STAU1: variants seen among roughly 807,000 people sequenced by gnomAD.
STAU1 encodes staufen double-stranded RNA binding protein 1.
STAU1 carries 13 observed loss-of-function variants against 62.9 expected under a neutral mutation model. The ratio of observed to expected loss-of-function variants is 0.21; its 90% CI spans 0.13 to 0.33. STAU1 has a LOEUF of 0.33. Ranked by LOEUF, STAU1 falls within the 10% of genes least tolerant of loss-of-function variation. The probability of loss-of-function intolerance (pLI) is 1.00; values close to 1 mark genes in which losing one functional copy is unlikely to be tolerated. For synonymous variants in STAU1, 269 were observed against 265.1 expected (o/e 1.01, Z -0.14); for missense variants, 571 against 712.1 (o/e 0.80, Z 2.25).
At chr20:49,196,461 G>A in the STAU1 span, among the ~76,000 whole-genome samples, 3 of 115,846 alleles carry the variant, frequency 2.6e-5, no homozygotes, top group South Asian at 2.7e-4. Flanking sequence ...AAAAAAAAAA[G>A]AAGAAGAAGA....
At chr20:49,189,201 C>CAAAAAAA (rs545643816), upstream of STAU1, among the ~76,000 whole-genome samples, 19 of 33,622 alleles carry the variant, frequency 5.7e-4, 3 homozygotes, top group Non-Finnish European at 9.3e-4. Flanking sequence ...ACACTGGTCT[C>CAAAAAAA]AAAAAAAAAA....
chr20:49,122,523 T>A lies in STAU1; in HGVS notation c.966+569A>T, dbSNP rs531138084. On this transcript the variant is annotated intron_variant, in intron 8 of 13. Transcript: ENST00000371856. ...TGTGCAGACATTACATTCATTTTTT[T>A]AAGCATTAAGATAAACAACTTAATC... Among the ~76,000 whole-genome samples the A allele has an allele frequency of 8.7e-4, 132 of 152,358 alleles. 1 individual carries two copies. The highest frequency in any genetic ancestry group is 7.3e-3 in the Admixed American group (111 of 15,304).
chr20:49,144,875 G>A (rs1392429272), intron 5 of STAU1, among the ~76,000 whole-genome samples: 1 of 152,122 alleles, frequency 6.6e-6, no homozygotes, highest in Non-Finnish European at 1.5e-5. Flanking sequence ...AGTAGATGAT[G>A]AATAGTATTG....
chr20:49,115,462 G>A (rs1030465965), intron 13 of STAU1, among the ~76,000 whole-genome samples: 1 of 151,988 alleles, frequency 6.6e-6, no homozygotes, highest in Non-Finnish European at 1.5e-5. Flanking sequence ...CACCACACCT[G>A]GCTAATTTTT....
At chr20:49,154,198 G>A in intron 3 of STAU1, 127 bp from the exon 4 acceptor site, 1 of 950,034 alleles carries the variant, frequency 1.1e-6, no homozygotes, top group Non-Finnish European at 1.5e-6. Context: ...GACCTGGGTG[G>A]CTCACTGCTA....
chr20:49,206,618 G>A, the STAU1 span, among the ~76,000 whole-genome samples: 435 of 142,276 alleles, frequency 3.1e-3, 1 homozygote, highest in African/African-American at 7.4e-3. Context: ...CGAGTGAACC[G>A]CCCAAAGTAC....
intron 3 of STAU1, chr20:49,159,147 C>CCA: frequency 1.9e-6 from 2 of 1,055,778 alleles, no homozygotes; most frequent in Non-Finnish European, 2.3e-6. Flanking sequence ...GGGGAAAAAG[C>CCA]TAAAAAAAAA....
rs144912266 is a variant in STAU1, at chr20:49,172,104, G to A, written c.-85+2091C>T. On this transcript the variant is annotated intron_variant, in intron 2 of 13. Transcript: ENST00000371856. ...ACAAGTGAGACTGAATGTGGTCCCT[G>A]TCTCACACTTGGCCCAATGCCATGG... Among the ~76,000 whole-genome samples, 969 of 152,296 alleles carry A rather than the reference G, an allele frequency of 6.4e-3. 3 individuals are homozygous for A. Among genetic ancestry groups the A allele is most frequent in the Admixed American group, 0.011 (175 of 15,294 alleles).
the STAU1 span, among the ~76,000 whole-genome samples, chr20:49,196,552 C>G: frequency 6.6e-6 from 1 of 151,774 alleles, no homozygotes; most frequent in Non-Finnish European, 1.5e-5. Flanking sequence ...TTTGGGAGGC[C>G]GAGGCCGGCA....
At chr20:49,142,931 T>A (rs889475850) in intron 5 of STAU1, among the ~76,000 whole-genome samples, 1 of 152,058 alleles carries the variant, frequency 6.6e-6, no homozygotes, top group Non-Finnish European at 1.5e-5. Context: ...GCCTCCTCAT[T>A]AGCTGAGACT....
the STAU1 span, among the ~76,000 whole-genome samples, chr20:49,201,518 G>A: frequency 6.6e-6 from 1 of 152,006 alleles, no homozygotes; most frequent in Non-Finnish European, 1.5e-5. Context: ...GAGGCGGGAG[G>A]ATCACCTGAG....
chr20:49,169,670 C>G (rs564864256), intron 2 of STAU1, among the ~76,000 whole-genome samples: 3 of 152,276 alleles, frequency 2.0e-5, no homozygotes, highest in East Asian at 3.9e-4. Flanking sequence ...TTCTTCAGAT[C>G]TCGCTGGTGC....
the STAU1 span, among the ~76,000 whole-genome samples, chr20:49,206,738 TA>T: frequency 3.6e-5 from 5 of 137,302 alleles, no homozygotes; most frequent in African/African-American, 1.4e-4. Flanking sequence ...TATATATATA[TA>T]TATATATATA....
At chr20:49,126,169 G>A (rs2092607507) in intron 6 of STAU1, among the ~76,000 whole-genome samples, 1 of 151,068 alleles carries the variant, frequency 6.6e-6, no homozygotes, top group Non-Finnish European at 1.5e-5. Flanking sequence ...GAAACTAAAA[G>A]CACAATCAAC....
At chr20:49,134,968 T>C (rs941400681) in intron 6 of STAU1, 2 of 1,602,694 alleles carry the variant, frequency 1.2e-6, no homozygotes, top group Admixed American at 1.7e-5. Context: ...GGACTTGCTT[T>C]GTGAAGAGAC....
At chr20:49,135,536 T>G (rs2146033551) in intron 6 of STAU1, among the ~76,000 whole-genome samples, 1 of 152,300 alleles carries the variant, frequency 6.6e-6, no homozygotes, top group South Asian at 2.1e-4. Context: ...CACCCTTCCC[T>G]ATCCAGAAGA....
intron 5 of STAU1, among the ~76,000 whole-genome samples, chr20:49,136,300 C>G (rs1184492474): frequency 6.6e-6 from 1 of 152,036 alleles, no homozygotes; most frequent in Admixed American, 6.6e-5. Flanking sequence ...GAGACGCTGT[C>G]CCCCACAAAA....
chr20:49,142,647 T>C (rs2146123328), intron 5 of STAU1, among the ~76,000 whole-genome samples: 1 of 152,268 alleles, frequency 6.6e-6, no homozygotes, highest in African/African-American at 2.4e-5. Context: ...TTATTTATAG[T>C]ATTTGTTTAT....
intron 5 of STAU1, among the ~76,000 whole-genome samples, chr20:49,148,394 GTCCCATTCCCAAGATA>G (rs1348469094): frequency 1.3e-5 from 2 of 152,082 alleles, no homozygotes; most frequent in African/African-American, 2.4e-5. Context: ...TTAGACTTGG[GTCCCATTCCCAAGATA>G]TCCCATTACG....
Sources: gnomAD v4.1 joint callset for allele counts (sites outside exome capture counted in the v4.1 genomes callset) on GRCh38, gnomAD v4.1.1 for gene constraint, MANE v1.5 for transcripts, NCBI Gene and HGNC (gene_info 2026-07-23, HGNC 2026-07-21) for gene names.